WWOX: variants seen among roughly 807,000 people sequenced by gnomAD.
WWOX encodes the protein WW domain containing oxidoreductase.
In WWOX, 69 loss-of-function variants were observed where a neutral mutation model predicts 46.2. That is an observed-to-expected ratio of 1.49 (90% CI 1.23 to 1.82). WWOX has a LOEUF of 1.82. Ranked by LOEUF, WWOX falls within the 40% of genes most tolerant of loss-of-function variation. WWOX has a pLI of 0.00. For missense variants in WWOX, 919 were observed against 542.6 expected, an observed-to-expected ratio of 1.69 and a Z score of -6.89; for synonymous variants, 359 against 202.6, an observed-to-expected ratio of 1.77 and a Z score of -6.56.
intron 8 of WWOX, among the ~76,000 whole-genome samples, chr16:79,163,876 G>A (rs2050538094): frequency 9.5e-6 from 1 of 105,488 alleles, no homozygotes; most frequent in Non-Finnish European, 1.8e-5. Flanking sequence ...CAGTAAGGAA[G>A]AGAATTGGAA....
chr16:78,211,223 G>A (rs1363912831), intron 5 of WWOX, among the ~76,000 whole-genome samples: 1 of 152,118 alleles, frequency 6.6e-6, no homozygotes, highest in Non-Finnish European at 1.5e-5. Context: ...GTCTAGGGTG[G>A]GTGTTACTTC....
At chr16:78,124,364 A>G (rs1200448145) in intron 4 of WWOX, 3 of 152,218 alleles carry the variant, frequency 2.0e-5, no homozygotes, top group Non-Finnish European at 4.4e-5. Flanking sequence ...TATAGACTTC[A>G]TAATAAATAA....
Position 78,963,460 on chromosome 16 carries a change from C to T in WWOX, c.1057-248148C>T, listed in dbSNP as rs558187470. On this transcript the variant is annotated intron_variant, in intron 8 of 8. Transcript: ENST00000566780. The stretch of plus-strand genomic sequence containing the variant: ...CTCAACTTGGGCGACAGAGTAATAC[C>T]CCGTCTCAGAAACAAAAACAAATAA... 7.2e-5 allele frequency among the ~76,000 whole-genome samples: 11 copies of T among 152,150 alleles called. No homozygotes were observed. In the South Asian group the frequency reaches 2.1e-3, roughly 29 times the overall value.
chr16:79,147,116 T>C (rs2050196395), intron 8 of WWOX, among the ~76,000 whole-genome samples: 1 of 152,214 alleles, frequency 6.6e-6, no homozygotes, highest in Non-Finnish European at 1.5e-5. Context: ...TATGTGTGTC[T>C]GTGTCTACAT....
intron 5 of WWOX, among the ~76,000 whole-genome samples, chr16:78,233,577 A>G (rs1254040193): frequency 7.3e-6 from 1 of 137,592 alleles, no homozygotes; most frequent in East Asian, 2.1e-4. Flanking sequence ...CCCAGGCTGG[A>G]GTGCACTATC....
intron 8 of WWOX, among the ~76,000 whole-genome samples, chr16:78,864,077 T>A (rs544105814): frequency 2.0e-5 from 3 of 152,336 alleles, no homozygotes; most frequent in South Asian, 4.1e-4. Context: ...AAGTTTTTGT[T>A]GGAACACCTA....
At chr16:79,135,593 A>G (rs140542576) in intron 8 of WWOX, among the ~76,000 whole-genome samples, 6 of 152,346 alleles carry the variant, frequency 3.9e-5, no homozygotes, top group Non-Finnish European at 8.8e-5. Flanking sequence ...GTATATTCCT[A>G]GAAATTCAAT....
intron 8 of WWOX, among the ~76,000 whole-genome samples, chr16:78,713,848 C>G (rs2048501372): frequency 6.6e-6 from 1 of 152,174 alleles, no homozygotes. Flanking sequence ...TCTGGGGAAA[C>G]AGATACCTCC....
At chr16:78,674,511 C>G (rs1221189592) in intron 8 of WWOX, among the ~76,000 whole-genome samples, 1 of 152,060 alleles carries the variant, frequency 6.6e-6, no homozygotes, top group Non-Finnish European at 1.5e-5. Flanking sequence ...TCTCAAACTC[C>G]TGACGTCAGG....
In WWOX at chr16:78,206,730, C is replaced by T. The variant is rs1597351607; in HGVS notation, c.516+42441C>T. 2.0e-5 allele frequency among the ~76,000 whole-genome samples: 3 copies of T among 150,762 alleles called. No individual in the cohort carries two copies. The South Asian group carries it at 6.3e-4, about 32-fold the overall frequency. ...ATATTGGGCTGAATGTCTTCTCTCA[C>T]CATCAGAACTACCTTTTGACTAGAG... On this transcript the variant is annotated intron_variant, in intron 5 of 8. Coordinates refer to ENST00000566780, the MANE Select transcript of WWOX (RefSeq NM_016373.4).
chr16:78,444,459 C>G (rs2083513109), intron 8 of WWOX, among the ~76,000 whole-genome samples: 1 of 151,448 alleles, frequency 6.6e-6, no homozygotes, highest in South Asian at 2.1e-4. Flanking sequence ...AACCTACCAT[C>G]ATTTATTAAG....
intron 8 of WWOX, among the ~76,000 whole-genome samples, chr16:79,073,830 C>T (rs185297522): frequency 3.9e-5 from 6 of 152,148 alleles, no homozygotes; most frequent in East Asian, 1.9e-4. Context: ...TAGAAAAGTT[C>T]GTAACTATTT....
intron 8 of WWOX, among the ~76,000 whole-genome samples, chr16:79,186,203 C>T (rs1052439006): frequency 3.9e-5 from 6 of 152,128 alleles, no homozygotes; most frequent in Non-Finnish European, 7.4e-5. Flanking sequence ...CAGATGATAA[C>T]AGGAATAATT....
chr16:78,461,955 C>T (rs554521054), intron 8 of WWOX, among the ~76,000 whole-genome samples: 1 of 152,182 alleles, frequency 6.6e-6, no homozygotes, highest in Non-Finnish European at 1.5e-5. Context: ...CAGCAGTATC[C>T]CAATGGAAGG....
intron 5 of WWOX, among the ~76,000 whole-genome samples, chr16:78,201,709 A>G (rs981844281): frequency 1.3e-5 from 2 of 149,972 alleles, no homozygotes; most frequent in Non-Finnish European, 3.0e-5. Context: ...TTATTTATTT[A>G]TTTATTGTTT....
chr16:78,216,397 C>T (rs892038669), intron 5 of WWOX, among the ~76,000 whole-genome samples: 9 of 152,186 alleles, frequency 5.9e-5, no homozygotes, highest in African/African-American at 2.2e-4. Context: ...ACATTATCAC[C>T]AGTGTAGCAC....
chr16:78,631,462 A>G (rs1268740650), intron 8 of WWOX, among the ~76,000 whole-genome samples: 1 of 152,180 alleles, frequency 6.6e-6, no homozygotes, highest in Admixed American at 6.5e-5. Flanking sequence ...TTTCATATAA[A>G]GCTAAATCAG....
rs59225171 is a variant in WWOX at position 78,829,086 on chromosome 16, AGATGGATGGATGGATG to A, written c.1057-382491_1057-382476del. ...CATCATAAGTCAGGGTCCATCTGGA[AGATGGATGGATGGATG>A]GATGGATGGATGGATGGATGGATGG... On this transcript the variant is annotated intron_variant, in intron 8 of 8. Coordinates refer to ENST00000566780, the MANE Select transcript of WWOX (RefSeq NM_016373.4). Among the ~76,000 whole-genome samples the A allele has an allele frequency of 3.1e-4, 46 of 147,720 alleles. No homozygotes were observed. In the South Asian group the frequency reaches 5.0e-3, roughly 16 times the overall value.
In WWOX at chr16:78,919,519, G is replaced by GTTTTTTTTTTTTTTTTTT. The variant is rs1362661780; in HGVS notation, c.1057-292085_1057-292084insTTTTTTTTTTTTTTTTTT. ...TCTCTTTTTTTTCTTTTATCTTTTT[G>GTTTTTTTTTTTTTTTTTT]TTTTGTTTTTTTTTTTTTTGAGGGA... On this transcript the variant is annotated intron_variant, in intron 8 of 8. Coordinates refer to ENST00000566780, the MANE Select transcript of WWOX (RefSeq NM_016373.4). Among the ~76,000 whole-genome samples the GTTTTTTTTTTTTTTTTTT allele has an allele frequency of 4.5e-5, 3 of 67,256 alleles. 1 individual carries two copies. Among genetic ancestry groups the GTTTTTTTTTTTTTTTTTT allele is most frequent in the Non-Finnish European group, 2.9e-5 (1 of 34,602 alleles). The allele number at this position is 67,256 out of a possible 152,430, so 44.1% of individuals were successfully genotyped here. A position where few individuals can be genotyped will look rare whatever the true frequency, so the allele number is the denominator to read the frequency against.
Sources: gnomAD v4.1 joint callset for allele counts (sites outside exome capture counted in the v4.1 genomes callset) on GRCh38, gnomAD v4.1.1 for gene constraint, MANE v1.5 for transcripts, NCBI Gene and HGNC (gene_info 2026-07-23, HGNC 2026-07-21) for gene names.